MYH7B: variants seen among roughly 807,000 people sequenced by gnomAD.
MYH7B encodes the protein myosin-7B.
MYH7B carries 205 observed loss-of-function variants against 234.5 expected under a neutral mutation model. The observed-to-expected ratio is 0.87, with a 90% CI of 0.78 to 0.98. MYH7B has a LOEUF of 0.98. MYH7B is among the 50% of genes least tolerant of loss of function. The pLI is 0.00. For missense variants in MYH7B, 2,652 were observed against 2,633.4 expected, an observed-to-expected ratio of 1.01 and a Z score of -0.15; for synonymous variants, 1,193 against 1,105.0, an observed-to-expected ratio of 1.08 and a Z score of -1.58.
chr20:34,964,986 C>A (rs191981489), intron 2 of MYH7B, among the ~76,000 whole-genome samples: 2 of 152,148 alleles, frequency 1.3e-5, no homozygotes, highest in Non-Finnish European at 2.9e-5. Flanking sequence ...CAGGCACTTA[C>A]GCCTTTTCTT....
At chr20:34,985,015 G>A in intron 12 of MYH7B, 51 bp from the exon 13 acceptor site, 2 of 1,612,192 alleles carry the variant, frequency 1.2e-6, no homozygotes, top group South Asian at 1.1e-5. Flanking sequence ...GGCACAGGTG[G>A]GGACAGTGCT....
At position 34,986,088 on chromosome 20, in the gene MYH7B, C is replaced by G. The variant is rs2082016896; in HGVS notation, c.806-12C>G. The G allele has an allele frequency of 2.6e-6, 4 of 1,568,230 alleles. No homozygotes were observed. Among genetic ancestry groups the G allele is most frequent in the African/African-American group, 1.3e-5 (1 of 74,144 alleles). On this transcript the variant is annotated splice_polypyrimidine_tract_variant and intron_variant, in intron 13 of 44. Coordinates refer to ENST00000262873, the Ensembl canonical transcript of MYH7B. ...GTGTGGGAGATGGCAGGCCAGCGTC[C>G]CTTCTCCCCAGATCTCCTGGAGAAG... is the stretch of plus-strand genomic sequence containing the variant.
chr20:35,001,496 CAA>C lies in MYH7B; in HGVS notation c.5647_5648del (p.Lys1883GlufsTer7). 6.2e-7 allele frequency: 1 copy of C among 1,609,992 alleles called. No individual in the cohort carries two copies. Among genetic ancestry groups the C allele is most frequent in the Non-Finnish European group, 8.5e-7 (1 of 1,178,240 alleles). On this transcript the variant is annotated frameshift_variant, in exon 43 of 45. Coordinates refer to ENST00000262873, the Ensembl canonical transcript of MYH7B. LOFTEE classifies it high-confidence loss of function. Reference sequence around the variant, plus strand: ...TGGTGGACAAGCTGCAGAGCAAGGTCAAGAGCTACAAGCGCCAGTTTGAGGAG... The same window carrying C: ...TGGTGGACAAGCTGCAGAGCAAGGTCGAGCTACAAGCGCCAGTTTGAGGAG...
rs1349507223 is a variant in MYH7B at position 35,000,492 on chromosome 20, C to T, written c.4981C>T (p.Gln1661Ter). The T allele has an allele frequency of 2.5e-6, 4 of 1,599,806 alleles. No homozygotes were observed. The highest frequency in any genetic ancestry group is 3.4e-6 in the Non-Finnish European group (4 of 1,178,656). Residue 1661 changes from glutamine to a stop codon, truncating the protein, a stop_gained, in exon 39 of 45, where the codon CAG (glutamine) becomes TAG (stop). Coordinates refer to ENST00000262873, the Ensembl canonical transcript of MYH7B. LOFTEE classifies it high-confidence loss of function. ...GATGCAGGCACAGCTCAAGGAGGAG[C>T]AGGCAGGGCGGGACGAGGAGCAGCG...
intron 11 of MYH7B, 22 bp from the exon 12 acceptor site, chr20:34,984,832 C>G: frequency 6.2e-7 from 1 of 1,605,510 alleles, no homozygotes; most frequent in Non-Finnish European, 8.5e-7. Flanking sequence ...ACTGACAGAC[C>G]CCCTCACCCC....
At chr20:35,000,184 G>A (rs1347327532) in intron 38 of MYH7B, 109 bp from the exon 39 acceptor site, 2 of 1,311,592 alleles carry the variant, frequency 1.5e-6, no homozygotes, top group African/African-American at 1.5e-5. Flanking sequence ...AATCGGGGAG[G>A]GGTGACTCAT....
chr20:34,990,753 C>T, exon 23 of MYH7B: 4 of 1,614,206 alleles, frequency 2.5e-6, no homozygotes, highest in Non-Finnish European at 2.5e-6. Context: ...CCTCAACAAG[C>T]TGATGACCAA....
chr20:34,983,443 A>C (rs1162811114), intron 10 of MYH7B, among the ~76,000 whole-genome samples: 2 of 151,398 alleles, frequency 1.3e-5, no homozygotes, highest in African/African-American at 4.9e-5. Context: ...CTGTCTTCCA[A>C]ATCCCTAAAA....
At chr20:34,995,339 C>G in exon 28 of MYH7B, 1 of 1,612,252 alleles carries the variant, frequency 6.2e-7, no homozygotes, top group Non-Finnish European at 8.5e-7. Context: ...CCTCCAGGAG[C>G]AGGACAACCT....
intron 2 of MYH7B, among the ~76,000 whole-genome samples, chr20:34,966,157 A>G (rs1042528488): frequency 1.3e-5 from 2 of 152,224 alleles, no homozygotes; most frequent in African/African-American, 4.8e-5. Context: ...ACTGACTCCC[A>G]GATGGGTTGG....
intron 2 of MYH7B, among the ~76,000 whole-genome samples, chr20:34,962,245 G>T (rs2081704938): frequency 6.6e-6 from 1 of 152,106 alleles, no homozygotes; most frequent in Non-Finnish European, 1.5e-5. Context: ...TTATAATAAT[G>T]CTGCTATGAA....
chr20:34,984,546 G>T, intron 10 of MYH7B, 146 bp from the exon 11 acceptor site: 1 of 712,556 alleles, frequency 1.4e-6, no homozygotes, highest in South Asian at 1.7e-5. Context: ...GTCAGGCCGA[G>T]GGGCTGAGGG....
chr20:34,998,913 C>T (rs1428940561), exon 35 of MYH7B: 2 of 1,610,974 alleles, frequency 1.2e-6, no homozygotes, highest in East Asian at 2.2e-5. Flanking sequence ...TGGAGGAGGC[C>T]AAGTGAGTGC....
intron 1 of MYH7B, among the ~76,000 whole-genome samples, chr20:34,956,609 TGATAA>T (rs1468234934): frequency 2.0e-5 from 3 of 152,328 alleles, no homozygotes; most frequent in Admixed American, 6.5e-5. Context: ...GCTTTCAGTC[TGATAA>T]GATAGGCAAT....
chr20:35,001,915 C>A, intron 43 of MYH7B, 33 bp from the exon 44 acceptor site: 2 of 1,599,028 alleles, frequency 1.3e-6, no homozygotes, highest in Non-Finnish European at 1.7e-6. Flanking sequence ...CTCAGTCACC[C>A]AAGCGGAACC....
rs956084702 is a variant in MYH7B, at chr20:34,986,804, G to T, written c.905-82G>T. ...GACTCCTGCTGGGCTTGCCCCCGCAGGACCCCCTATGCTGCAATTGTTGTG... is the reference window on the plus strand; with the variant it reads ...GACTCCTGCTGGGCTTGCCCCCGCATGACCCCCTATGCTGCAATTGTTGTG... On this transcript the variant is annotated intron_variant, in intron 14 of 44. Transcript: ENST00000262873. 4.2e-6 allele frequency: 5 copies of T among 1,187,194 alleles called. No homozygotes were observed. In the African/African-American group the frequency reaches 6.0e-5, roughly 14 times the overall value. The allele number at this position is 1,187,194 out of a possible 1,614,324, so 73.5% of individuals were successfully genotyped here. A position where few individuals can be genotyped will look rare whatever the true frequency, so the allele number is the denominator to read the frequency against.
Position 34,993,738 on chromosome 20 carries a change from G to A in MYH7B, c.2444+268G>A, listed in dbSNP as rs914924629. Among the ~76,000 whole-genome samples, 8 of 152,344 alleles carry A rather than the reference G, an allele frequency of 5.3e-5. No homozygotes were observed. In the South Asian group the frequency reaches 1.2e-3, roughly 24 times the overall value. On this transcript the variant is annotated intron_variant, in intron 26 of 44. Coordinates refer to ENST00000262873, the Ensembl canonical transcript of MYH7B. ...GTGTCTTCCAAGACTCTTGCGGGCC[G>A]GGCCCCAGGCAAGATACTTTCTCTG...
In MYH7B at chr20:34,957,520, G is replaced by A. The variant is rs36208864; in HGVS notation, c.-336-578G>A. 6.5e-4 allele frequency among the ~76,000 whole-genome samples: 63 copies of A among 96,594 alleles called. 1 individual carries two copies. In the East Asian group the frequency reaches 0.013, roughly 20 times the overall value. 63.4% of individuals were successfully genotyped at this position (96,594 alleles called of 152,430 possible). ...TTTTTTTTTTTGAGACGGAGTTTTC[G>A]TTGTTGTTGCCCAGGCTGGAGTGCA... On this transcript the variant is annotated intron_variant, in intron 1 of 44. Coordinates refer to ENST00000262873, the Ensembl canonical transcript of MYH7B.
intron 2 of MYH7B, among the ~76,000 whole-genome samples, chr20:34,973,679 G>T (rs921576387): frequency 4.6e-5 from 7 of 152,238 alleles, no homozygotes; most frequent in African/African-American, 1.7e-4. Context: ...CCTGCTTCCT[G>T]TCGCTGCCCA....
Sources: gnomAD v4.1 joint callset for allele counts (sites outside exome capture counted in the v4.1 genomes callset) on GRCh38, gnomAD v4.1.1 for gene constraint, MANE v1.5 for transcripts, NCBI Gene and HGNC (gene_info 2026-07-23, HGNC 2026-07-21) for gene names.